The following REDIC1 variants were observed in gnomAD, a reference collection of about 807,000 sequenced individuals.
REDIC1 encodes the protein regulator of DNA class I crossover intermediates 1.
At chr12:39,871,674 ATT>A in the REDIC1 span, 1 of 1,003,084 alleles carries the variant, frequency 1.0e-6, no homozygotes, top group Non-Finnish European at 1.4e-6. Flanking sequence ...AAGAACTCTA[ATT>A]TTTTTGTTGT....
chr12:39,727,968 G>A, the REDIC1 span, among the ~76,000 whole-genome samples: 1 of 152,144 alleles, frequency 6.6e-6, no homozygotes, highest in Middle Eastern at 3.2e-3. Flanking sequence ...TATTATTGGT[G>A]TACAGGAATG....
chr12:39,864,646 C>A, the REDIC1 span: 726 of 1,380,892 alleles, frequency 5.3e-4, no homozygotes, highest in Non-Finnish European at 5.3e-4. Context: ...TCCCTTCTTA[C>A]ATAAGCCTGG....
the REDIC1 span, among the ~76,000 whole-genome samples, chr12:39,784,206 C>T: frequency 6.6e-6 from 1 of 152,120 alleles, no homozygotes; most frequent in Non-Finnish European, 1.5e-5. Flanking sequence ...ACTTTCTTCA[C>T]AGAATTGGAA....
the REDIC1 span, chr12:39,721,195 A>T: frequency 6.2e-7 from 1 of 1,613,634 alleles, no homozygotes; most frequent in Admixed American, 1.7e-5. Flanking sequence ...TGAAAGGTGC[A>T]GTGGAAATAT....
At chr12:39,824,871 G>C in the REDIC1 span, among the ~76,000 whole-genome samples, 1 of 152,192 alleles carries the variant, frequency 6.6e-6, no homozygotes, top group Non-Finnish European at 1.5e-5. Flanking sequence ...ACTTCAGGCA[G>C]AGATCAAGGA....
chr12:39,879,024 G>C, the REDIC1 span, among the ~76,000 whole-genome samples: 4 of 152,252 alleles, frequency 2.6e-5, no homozygotes, highest in Non-Finnish European at 2.9e-5. Flanking sequence ...ACTCAAAGGG[G>C]CCTGCCTAGG....
chr12:39,829,392 CTTTTTT>C, the REDIC1 span: 5 of 65,796 alleles, frequency 7.6e-5, no homozygotes, highest in Non-Finnish European at 1.3e-4. Context: ...GATAGTAATT[CTTTTTT>C]TTTTTTTTTT....
At chr12:39,650,192 T>C in the REDIC1 span, 3 of 1,479,554 alleles carry the variant, frequency 2.0e-6, no homozygotes, top group Non-Finnish European at 2.7e-6. This position sits in a 1 kb window ranked among gnomAD's most constrained non-coding sequence, Gnocchi z 4.3. Context: ...AAATTGTATA[T>C]ATGTACATTT....
the REDIC1 span, among the ~76,000 whole-genome samples, chr12:39,777,719 C>T: frequency 8.3e-4 from 126 of 152,306 alleles, 3 homozygotes; most frequent in South Asian, 0.013. Context: ...GAGGAACGCA[C>T]CAACAGGCAT....
At chr12:39,632,714 T>G in the REDIC1 span, among the ~76,000 whole-genome samples, 3 of 152,206 alleles carry the variant, frequency 2.0e-5, no homozygotes, top group African/African-American at 7.2e-5. Context: ...CTATGCTATA[T>G]GGTATAGTCT....
the REDIC1 span, among the ~76,000 whole-genome samples, chr12:39,680,022 A>G: frequency 0.011 from 1,634 of 152,358 alleles, 19 homozygotes; most frequent in Non-Finnish European, 0.017. Context: ...ACATGAAGCC[A>G]TAAAAATTCT....
the REDIC1 span, among the ~76,000 whole-genome samples, chr12:39,900,799 G>A: frequency 2.6e-5 from 4 of 152,098 alleles, no homozygotes; most frequent in East Asian, 3.9e-4. Flanking sequence ...ATCCCCATCA[G>A]GCTACCAATG....
chr12:39,835,618 T>C, the REDIC1 span: 1 of 152,124 alleles, frequency 6.6e-6, no homozygotes, highest in African/African-American at 2.4e-5. Flanking sequence ...TAACATACAA[T>C]GCTCTTTACT....
chr12:39,725,955 T>C, the REDIC1 span, among the ~76,000 whole-genome samples: 1 of 152,168 alleles, frequency 6.6e-6, no homozygotes, highest in Middle Eastern at 3.4e-3. Flanking sequence ...CTGGTGTTTC[T>C]TGTGGACACA....
At chr12:39,889,512 C>T in the REDIC1 span, among the ~76,000 whole-genome samples, 1 of 149,234 alleles carries the variant, frequency 6.7e-6, no homozygotes, top group East Asian at 1.9e-4. Context: ...CGACTTTACG[C>T]TTCAGTGGTA....
the REDIC1 span, among the ~76,000 whole-genome samples, chr12:39,842,126 G>A: frequency 6.6e-6 from 1 of 152,082 alleles, no homozygotes; most frequent in Admixed American, 6.6e-5. Flanking sequence ...ACCTAAGGAT[G>A]TTGACTTCCA....
chr12:39,902,477 C>A, the REDIC1 span, among the ~76,000 whole-genome samples: 8 of 152,044 alleles, frequency 5.3e-5, no homozygotes, highest in Non-Finnish European at 1.2e-4. Context: ...GTTCATACTT[C>A]TTGTAATAAA....
At chr12:39,711,857 ATGTG>A in the REDIC1 span, among the ~76,000 whole-genome samples, 9 of 68,168 alleles carry the variant, frequency 1.3e-4, 1 homozygote, top group African/African-American at 6.5e-4. Flanking sequence ...ATGCATGTGT[ATGTG>A]TATACACGTA....
chr12:39,643,915 C>T, the REDIC1 span: 1 of 1,545,896 alleles, frequency 6.5e-7, no homozygotes, highest in Non-Finnish European at 8.8e-7. Flanking sequence ...AAGAAAATTC[C>T]TGGTAAGTCA....
Sources: allele counts gnomAD v4.1 joint callset (sites outside exome capture counted in the v4.1 genomes callset), GRCh38; gene constraint gnomAD v4.1.1; non-coding constraint Gnocchi (gnomAD v3.1); transcripts MANE v1.5; gene names NCBI Gene and HGNC (gene_info 2026-07-23, HGNC 2026-07-21).